The following FXYD5 variants were observed in gnomAD, a reference collection of about 807,000 sequenced individuals.
FXYD5 encodes the protein FXYD domain-containing ion transport regulator 5.
FXYD5 carries 21 observed loss-of-function variants against 25.7 expected under a neutral mutation model. The observed-to-expected ratio is 0.82, with a 90% CI of 0.58 to 1.18. The LOEUF is 1.18. Among genes scored for constraint, FXYD5 ranks in the 50% most tolerant of loss-of-function variants. The probability of loss-of-function intolerance (pLI) is 0.00; values close to 1 mark genes in which losing one functional copy is unlikely to be tolerated. For synonymous variants in FXYD5, 101 were observed against 90.7 expected (o/e 1.11, Z -0.64); for missense variants, 229 against 227.7 (o/e 1.01, Z -0.04).
chr19:35,162,629 A>G (rs1033227316), intron 5 of FXYD5, among the ~76,000 whole-genome samples: 1 of 152,120 alleles, frequency 6.6e-6, no homozygotes, highest in Admixed American at 6.5e-5. Flanking sequence ...CCCCACCCTC[A>G]TGATCCTATC....
intron 5 of FXYD5, among the ~76,000 whole-genome samples, chr19:35,161,083 A>G (rs974499938): frequency 5.9e-5 from 9 of 152,130 alleles, no homozygotes; most frequent in African/African-American, 2.2e-4. Context: ...TAACTGATAG[A>G]CTTTGGAACT....
intron 4 of FXYD5, chr19:35,159,872 A>G (rs1454528326): frequency 2.0e-6 from 1 of 510,476 alleles, no homozygotes; most frequent in Non-Finnish European, 3.4e-6. Flanking sequence ...TATCCAAGAC[A>G]ATACAGGGCA....
chr19:35,156,547 C>T (rs922038352), intron 2 of FXYD5, among the ~76,000 whole-genome samples: 1 of 152,074 alleles, frequency 6.6e-6, no homozygotes, highest in African/African-American at 2.4e-5. Flanking sequence ...GAGGAGGTGA[C>T]ATTTGGACCA....
chr19:35,158,436 C>G, intron 4 of FXYD5, 36 bp downstream of exon 4: 1 of 1,273,958 alleles, frequency 7.8e-7, no homozygotes, highest in South Asian at 1.2e-5. Flanking sequence ...GGGACAGGAC[C>G]AAGACAAACA....
At chr19:35,167,719 C>G (rs11084801) in intron 8 of FXYD5, among the ~76,000 whole-genome samples, 29,067 of 151,888 alleles carry the variant, frequency 0.19, 2,923 homozygotes, top group East Asian at 0.28. Context: ...AGGGGAGAGG[C>G]AGAATTCTAA....
chr19:35,158,432 G>T, intron 4 of FXYD5, 32 bp downstream of exon 4: 1 of 1,343,594 alleles, frequency 7.4e-7, no homozygotes, highest in Non-Finnish European at 1.1e-6. Flanking sequence ...GGCGGGGACA[G>T]GACCAAGACA....
chr19:35,157,333 C>G, intron 2 of FXYD5, 88 bp from the exon 3 acceptor site: 1 of 717,292 alleles, frequency 1.4e-6, no homozygotes, highest in Non-Finnish European at 2.5e-6. Flanking sequence ...AGACAGGACC[C>G]CTAAGGTTTC....
At chr19:35,156,353 G>A (rs2065355507) in intron 2 of FXYD5, among the ~76,000 whole-genome samples, 1 of 152,238 alleles carries the variant, frequency 6.6e-6, no homozygotes, top group Non-Finnish European at 1.5e-5. Context: ...TATTTATTGA[G>A]CACCTACTAT....
chr19:35,156,407 C>T (rs1435414954), intron 2 of FXYD5, among the ~76,000 whole-genome samples: 2 of 152,242 alleles, frequency 1.3e-5, no homozygotes, highest in Non-Finnish European at 1.5e-5. Flanking sequence ...CTGAATAAAA[C>T]AAGAGGTCAC....
intron 8 of FXYD5, 66 bp from the exon 9 acceptor site, chr19:35,169,500 C>A: frequency 1.6e-6 from 2 of 1,217,256 alleles, no homozygotes; most frequent in Non-Finnish European, 2.4e-6. Context: ...GTTCCCCAGC[C>A]CCACAACACA....
At chr19:35,168,276 C>T (rs979274423) in intron 8 of FXYD5, among the ~76,000 whole-genome samples, 1 of 151,702 alleles carries the variant, frequency 6.6e-6, no homozygotes. Flanking sequence ...CACATCTGGT[C>T]GAAGATGATA....
In FXYD5 at chr19:35,166,259, A is replaced by G. The variant is rs762679900; in HGVS notation, c.421A>G (p.Thr141Ala). 8 of 1,611,906 alleles carry G rather than the reference A, an allele frequency of 5.0e-6. No homozygotes were observed. The Admixed American group carries it at 5.0e-5, about 10-fold the overall frequency. ...CATTTTTCTCTCTGCAGATGAACAC[A>G]CCCTCCGGAAACGGGGGCTGTTGGT... Reference protein sequence around the residue: ...EDDPFFYDEHTLRKRGLLVAA... With the variant: ...EDDPFFYDEHALRKRGLLVAA... Residue 141 changes from threonine to alanine, a missense_variant, in exon 8 of 9, where the codon ACC becomes GCC. Thr to Ala is a moderately conservative substitution (Grantham distance 58). Transcript: ENST00000392219.
intron 4 of FXYD5, among the ~76,000 whole-genome samples, chr19:35,160,289 G>T (rs561163973): frequency 1.3e-5 from 2 of 152,284 alleles, no homozygotes; most frequent in Admixed American, 6.5e-5. Flanking sequence ...GTGTGCAGGA[G>T]TGTCCCCCTT....
intron 2 of FXYD5, 79 bp downstream of exon 2, chr19:35,155,690 T>G (rs1462490816): frequency 1.7e-5 from 18 of 1,053,092 alleles, no homozygotes; most frequent in Non-Finnish European, 2.6e-5. Flanking sequence ...GGGTGGGTGG[T>G]TGGCCCGTGT....
chr19:35,166,808 C>G (rs1455553565), intron 8 of FXYD5: 2 of 163,396 alleles, frequency 1.2e-5, no homozygotes, highest in African/African-American at 4.8e-5. Context: ...GAAATAGACT[C>G]CACCTCTTGA....
At chr19:35,159,723 T>G in intron 4 of FXYD5, 2 of 1,423,944 alleles carry the variant, frequency 1.4e-6, no homozygotes, top group Middle Eastern at 1.8e-4. Flanking sequence ...ACGCAAACCC[T>G]AAGAGGCAGA....
intron 1 of FXYD5, chr19:35,155,113 C>A: frequency 5.0e-6 from 1 of 199,332 alleles, no homozygotes; most frequent in African/African-American, 2.4e-5. Flanking sequence ...GCGTTACTCA[C>A]TCTTCCTCCT....
intron 8 of FXYD5, among the ~76,000 whole-genome samples, chr19:35,167,306 A>T (rs2065459126): frequency 6.6e-6 from 1 of 152,198 alleles, no homozygotes; most frequent in South Asian, 2.1e-4. Flanking sequence ...CTGGCTTTGC[A>T]GGAGGCCTGG....
At chr19:35,155,487 G>T in intron 1 of FXYD5, 64 bp from the exon 2 acceptor site, 1 of 1,328,210 alleles carries the variant, frequency 7.5e-7, no homozygotes, top group Non-Finnish European at 1.1e-6. Context: ...CAGGATCCCC[G>T]GGGGCTGCCG....
Sources: allele counts gnomAD v4.1 joint callset (sites outside exome capture counted in the v4.1 genomes callset), GRCh38; gene constraint gnomAD v4.1.1; transcripts MANE v1.5; gene names NCBI Gene and HGNC (gene_info 2026-07-23, HGNC 2026-07-21).